Variants in ARRDC4 observed in about 807,000 individuals in gnomAD.
ARRDC4 encodes arrestin domain containing 4.
Under a neutral mutation model 44.6 loss-of-function variants are expected in ARRDC4, and 40 were observed. The ratio of observed to expected loss-of-function variants is 0.90; its 90% CI spans 0.70 to 1.17. The LOEUF (loss-of-function observed/expected upper bound fraction) is 1.17, where lower values mean the gene tolerates loss of function less well. Ranked by LOEUF, ARRDC4 falls within the 50% of genes most tolerant of loss-of-function variation. ARRDC4 has a pLI of 0.00. For synonymous variants in ARRDC4, 211 were observed against 221.2 expected, an observed-to-expected ratio of 0.95 and a Z score of 0.41; for missense variants, 550 against 559.1, an observed-to-expected ratio of 0.98 and a Z score of 0.16.
rs1899452110 is a variant in ARRDC4, at chr15:97,968,259, A to C, written c.625+143A>C. 1 of 423,594 alleles carries C rather than the reference A, an allele frequency of 2.4e-6. No individual in the cohort carries two copies. The highest frequency in any genetic ancestry group is 2.0e-5 in the African/African-American group (1 of 48,874). 26.2% of individuals were successfully genotyped at this position (423,594 alleles called of 1,614,324 possible). On this transcript the variant is annotated intron_variant, in intron 4 of 7. Coordinates refer to ENST00000268042, the MANE Select transcript of ARRDC4 (RefSeq NM_183376.3). This position sits in a 1 kb window ranked among gnomAD's most constrained non-coding sequence, Gnocchi z 5.4. ...GAATAGTGATACATTTTTTATATAA[A>C]TAATTGATATTTAAGTATTTTTAAA...
rs567289499 is a variant in ARRDC4, at chr15:97,967,425, T to C, written c.523-589T>C. On this transcript the variant is annotated intron_variant, in intron 3 of 7. Transcript: ENST00000268042. The surrounding 1 kb of genome is among the most constrained non-coding windows in gnomAD (Gnocchi z 5.0). ...AATAGAATACTGCAGTGAGAGGGTA[T>C]GTTTAATAAGCTTTTCAGATCGGTT... 3.9e-5 allele frequency among the ~76,000 whole-genome samples: 6 copies of C among 152,228 alleles called. No individual in the cohort carries two copies. The highest frequency in any genetic ancestry group is 6.5e-5 in the Admixed American group (1 of 15,286).
chr15:97,961,031 T>C lies in ARRDC4; in HGVS notation c.170T>C (p.Leu57Pro). 1 of 1,435,938 alleles carries C rather than the reference T, an allele frequency of 7.0e-7. No individual in the cohort carries two copies. The highest frequency in any genetic ancestry group is 1.4e-5 in the South Asian group (1 of 71,804). 88.9% of individuals were successfully genotyped at this position (1,435,938 alleles called of 1,614,324 possible). Residue 57 changes from leucine to proline, a missense_variant, in exon 1 of 8, where the codon CTG (leucine) becomes CCG (proline). Leu to Pro is a moderately conservative substitution (Grantham distance 98). Transcript: ENST00000268042. Reference sequence around the variant, plus strand: ...CCGGTGGCCCTGCGCGCGCTGCGCCTGGAGGCCCAGGGGCGCGCCACCGCC... The same window carrying C: ...CCGGTGGCCCTGCGCGCGCTGCGCCCGGAGGCCCAGGGGCGCGCCACCGCC... ...SEPVALRALR[L>P]EAQGRATAAW... is the part of the protein sequence containing the mutation.
intron 5 of ARRDC4, 142 bp downstream of exon 5, chr15:97,969,521 C>A: frequency 2.0e-6 from 2 of 985,026 alleles, no homozygotes; most frequent in Non-Finnish European, 2.9e-6. Flanking sequence ...GAAGATTGGC[C>A]CTTGTTTTTA....
chr15:97,961,031 TG>T lies in ARRDC4; in HGVS notation c.172del (p.Glu58ArgfsTer34). On this transcript the variant is annotated frameshift_variant, in exon 1 of 8. Coordinates refer to ENST00000268042, the MANE Select transcript of ARRDC4 (RefSeq NM_183376.3). LOFTEE classifies it high-confidence loss of function. Reference protein sequence around the residue: ...SEPVALRALRLEAQGRATAAW... With the variant: ...SEPVALRALRXEAQGRATAAW... ...CCGGTGGCCCTGCGCGCGCTGCGCC[TG>T]GAGGCCCAGGGGCGCGCCACCGCCG... 3 of 1,435,934 alleles carry T rather than the reference TG, an allele frequency of 2.1e-6. No individual in the cohort carries two copies. Among genetic ancestry groups the T allele is most frequent in the South Asian group, 1.4e-5 (1 of 71,802 alleles). 88.9% of individuals were successfully genotyped at this position (1,435,934 alleles called of 1,614,324 possible).
rs754281519 is a variant in ARRDC4, at chr15:97,973,045, A to G, written c.*1858A>G. ...ATTTTGCTTTCGTGTGTGTGTCTTT[A>G]AACAGGTAATGTGTATTTAAGTGTT... On this transcript the variant is annotated 3_prime_UTR_variant, in exon 8 of 8. Transcript: ENST00000268042. 5 of 152,230 alleles carry G rather than the reference A, an allele frequency of 3.3e-5. No individual in the cohort carries two copies. Among genetic ancestry groups the G allele is most frequent in the Non-Finnish European group, 5.9e-5 (4 of 68,016 alleles). 9.4% of individuals were successfully genotyped at this position (152,230 alleles called of 1,614,324 possible). A position where few individuals can be genotyped will look rare whatever the true frequency, so the allele number is the denominator to read the frequency against.
chr15:97,963,490 A>G (rs1490078349), intron 1 of ARRDC4, among the ~76,000 whole-genome samples: 1 of 152,200 alleles, frequency 6.6e-6, no homozygotes, highest in African/African-American at 2.4e-5. Context: ...GGGGAACTTC[A>G]TGTCTCTCAT....
chr15:97,971,217 T>C lies in ARRDC4; in HGVS notation c.*30T>C. 3 of 1,601,302 alleles carry C rather than the reference T, an allele frequency of 1.9e-6. No homozygotes were observed. Among genetic ancestry groups the C allele is most frequent in the Non-Finnish European group, 2.6e-6 (3 of 1,168,878 alleles). ...ATTTCAGAAATCACTGTGTTCATCA[T>C]CAAATTAGAATGTTGGTTCTTTTCC... On this transcript the variant is annotated 3_prime_UTR_variant, in exon 8 of 8. Coordinates refer to ENST00000268042, the MANE Select transcript of ARRDC4 (RefSeq NM_183376.3).
Position 97,960,921 on chromosome 15 carries a change from G to A in ARRDC4, c.60G>A (p.Leu20=). The change falls in exon 1 of 8, where the codon CTG becomes CTA. Residue 20 remains leucine (L), a synonymous_variant. Coordinates refer to ENST00000268042, the MANE Select transcript of ARRDC4 (RefSeq NM_183376.3). ...AVGAEGRVKS[L]GLVFEDERKG... ...GTGCCGAGGGCCGCGTGAAGAGCCT[G>A]GGTCTGGTGTTCGAGGACGAGCGCA... The A allele has an allele frequency of 6.9e-7, 1 of 1,459,008 alleles. No homozygotes were observed. The highest frequency in any genetic ancestry group is 9.1e-7 in the Non-Finnish European group (1 of 1,101,638). The allele number at this position is 1,459,008 out of a possible 1,614,324, so 90.4% of individuals were successfully genotyped here.
Position 97,970,421 on chromosome 15 carries a change from AAGG to A in ARRDC4, c.1046-165_1046-163del, listed in dbSNP as rs1419730549. Among the ~76,000 whole-genome samples, 2 of 152,182 alleles carry A rather than the reference AAGG, an allele frequency of 1.3e-5. No individual in the cohort carries two copies. The highest frequency in any genetic ancestry group is 2.9e-5 in the Non-Finnish European group (2 of 68,026). ...GAAGCTATTAGTAGTAGTTTAATAA[AAGG>A]AGAATCTATTTTTTATTGTAATATG... is the stretch of plus-strand genomic sequence containing the variant. On this transcript the variant is annotated intron_variant, in intron 6 of 7. Coordinates refer to ENST00000268042, the MANE Select transcript of ARRDC4 (RefSeq NM_183376.3). The surrounding 1 kb of genome is among the most constrained non-coding windows in gnomAD (Gnocchi z 4.2).
chr15:97,965,964 AC>A lies in ARRDC4; in HGVS notation c.447del (p.Lys150ArgfsTer7). 1 of 1,614,110 alleles carries A rather than the reference AC, an allele frequency of 6.2e-7. No individual in the cohort carries two copies. The highest frequency in any genetic ancestry group is 8.5e-7 in the Non-Finnish European group (1 of 1,180,020). On this transcript the variant is annotated frameshift_variant, in exon 3 of 8. Coordinates refer to ENST00000268042, the MANE Select transcript of ARRDC4 (RefSeq NM_183376.3). LOFTEE classifies it high-confidence loss of function. This position sits in a 1 kb window ranked among gnomAD's most constrained non-coding sequence, Gnocchi z 5.1. ...QYCVRAVLER[P>X]KVPDQSVKRE... ...ACTGTGTGCGGGCAGTGTTGGAACG[AC>A]CCAAGGTACCTGATCAGAGTGTAAA...
rs1013690846 is a variant in ARRDC4 at position 97,972,088 on chromosome 15, G to C, written c.*901G>C. The C allele has an allele frequency of 6.6e-6, 1 of 152,196 alleles. No individual in the cohort carries two copies. Among genetic ancestry groups the C allele is most frequent in the Non-Finnish European group, 1.5e-5 (1 of 68,024 alleles). 9.4% of individuals were successfully genotyped at this position (152,196 alleles called of 1,614,324 possible). A position where few individuals can be genotyped will look rare whatever the true frequency, so the allele number is the denominator to read the frequency against. ...CTTTTTCTAACCTACCTCTAATGGG[G>C]TTATCAGATATGTTTTTAAATCTCT... On this transcript the variant is annotated 3_prime_UTR_variant, in exon 8 of 8. Transcript: ENST00000268042. This position sits in a 1 kb window ranked among gnomAD's most constrained non-coding sequence, Gnocchi z 5.3.
At position 97,971,973 on chromosome 15, in the gene ARRDC4, A is replaced by G. The variant is rs1190325236; in HGVS notation, c.*786A>G. ...ATACGTTTGATTTTCCTCATATCTT[A>G]TTTACCTAGGAGCATGTAAGAGAAA... On this transcript the variant is annotated 3_prime_UTR_variant, in exon 8 of 8. Transcript: ENST00000268042. 6.6e-6 allele frequency: 1 copy of G among 152,506 alleles called. No homozygotes were observed. Among genetic ancestry groups the G allele is most frequent in the East Asian group, 1.9e-4 (1 of 5,184 alleles). 9.4% of individuals were successfully genotyped at this position (152,506 alleles called of 1,614,324 possible). A position where few individuals can be genotyped will look rare whatever the true frequency, so the allele number is the denominator to read the frequency against.
At position 97,972,352 on chromosome 15, in the gene ARRDC4, A is replaced by ACT. The variant is rs1899530838; in HGVS notation, c.*1166_*1167dup. On this transcript the variant is annotated 3_prime_UTR_variant, in exon 8 of 8. Transcript: ENST00000268042. This position sits in a 1 kb window ranked among gnomAD's most constrained non-coding sequence, Gnocchi z 5.3. Reference sequence around the variant, plus strand: ...AGACCTAGGTCTACTGATGGCAGTCACTGCATTGTACATTATTCCAGTTCT... The same window carrying ACT: ...AGACCTAGGTCTACTGATGGCAGTCACTCTGCATTGTACATTATTCCAGTTCT... The ACT allele has an allele frequency of 6.6e-6, 1 of 152,656 alleles. No homozygotes were observed. The highest frequency in any genetic ancestry group is 1.5e-5 in the Non-Finnish European group (1 of 68,030). 9.5% of individuals were successfully genotyped at this position (152,656 alleles called of 1,614,324 possible).
chr15:97,971,966 A>T lies in ARRDC4; in HGVS notation c.*779A>T, dbSNP rs1428880302. ...ACAGGATATACGTTTGATTTTCCTC[A>T]TATCTTATTTACCTAGGAGCATGTA... On this transcript the variant is annotated 3_prime_UTR_variant, in exon 8 of 8. Coordinates refer to ENST00000268042, the MANE Select transcript of ARRDC4 (RefSeq NM_183376.3). 6.6e-6 allele frequency: 1 copy of T among 152,576 alleles called. No individual in the cohort carries two copies. The highest frequency in any genetic ancestry group is 2.4e-5 in the African/African-American group (1 of 41,450). 9.5% of individuals were successfully genotyped at this position (152,576 alleles called of 1,614,324 possible).
Position 97,970,558 on chromosome 15 carries a change from TTTC to T in ARRDC4, c.1046-28_1046-26del. The T allele has an allele frequency of 6.3e-7, 1 of 1,579,260 alleles. No individual in the cohort carries two copies. The highest frequency in any genetic ancestry group is 8.6e-7 in the Non-Finnish European group (1 of 1,157,860). ...GAATCGAGATTAATTTTTGAGTGGA[TTTC>T]TTAACTCCAACTTCATTTCTATTTC... On this transcript the variant is annotated intron_variant, in intron 6 of 7. Transcript: ENST00000268042. The surrounding 1 kb of genome is among the most constrained non-coding windows in gnomAD (Gnocchi z 4.2).
In ARRDC4 at chr15:97,971,650, G is replaced by C. The variant is rs763302075; in HGVS notation, c.*463G>C. On this transcript the variant is annotated 3_prime_UTR_variant, in exon 8 of 8. Coordinates refer to ENST00000268042, the MANE Select transcript of ARRDC4 (RefSeq NM_183376.3). Reference sequence around the variant, plus strand: ...GAGAATGGCCCACTCCAAATACGAAGTGAGATCCTGAGTCTTTGGGTGCTT... The same window carrying C: ...GAGAATGGCCCACTCCAAATACGAACTGAGATCCTGAGTCTTTGGGTGCTT... The C allele has an allele frequency of 6.0e-6, 1 of 165,622 alleles. No homozygotes were observed. The highest frequency in any genetic ancestry group is 1.3e-5 in the Non-Finnish European group (1 of 75,280). 10.3% of individuals were successfully genotyped at this position (165,622 alleles called of 1,614,324 possible).
Position 97,968,016 on chromosome 15 carries a change from C to G in ARRDC4, c.525C>G (p.Thr175=). 6.3e-7 allele frequency: 1 copy of G among 1,586,178 alleles called. No homozygotes were observed. ...HVDVNTPALL[T]PVLKTQEKMV... Reference sequence around the variant, plus strand: ...TTTTATTGTTTGAAATTTTCAAGACCCCTGTATTGAAAACTCAAGAGAAAA... The same window carrying G: ...TTTTATTGTTTGAAATTTTCAAGACGCCTGTATTGAAAACTCAAGAGAAAA... Residue 175 remains threonine, a splice_region_variant and synonymous_variant, in exon 4 of 8, where the codon ACC becomes ACG. Transcript: ENST00000268042. This position sits in a 1 kb window ranked among gnomAD's most constrained non-coding sequence, Gnocchi z 5.4.
At position 97,967,371 on chromosome 15, in the gene ARRDC4, T is replaced by G. The variant is rs79101768; in HGVS notation, c.523-643T>G. Among the ~76,000 whole-genome samples, 3,998 of 152,212 alleles carry G rather than the reference T, an allele frequency of 0.026. 164 individuals are homozygous for G. The highest frequency in any genetic ancestry group is 0.19 in the East Asian group (959 of 5,152). On this transcript the variant is annotated intron_variant, in intron 3 of 7. Coordinates refer to ENST00000268042, the MANE Select transcript of ARRDC4 (RefSeq NM_183376.3). The surrounding 1 kb of genome is among the most constrained non-coding windows in gnomAD (Gnocchi z 5.0). ...TAACTCGTAAACTGAACATTGTAAA[T>G]CTTGTAGTAACTTCTCTTGCCACTA...
In ARRDC4 at chr15:97,971,287, A is replaced by G; in HGVS notation, c.*100A>G. The G allele has an allele frequency of 1.6e-6, 2 of 1,222,220 alleles. No homozygotes were observed. The highest frequency in any genetic ancestry group is 2.4e-6 in the Non-Finnish European group (2 of 838,068). 75.7% of individuals were successfully genotyped at this position (1,222,220 alleles called of 1,614,324 possible). ...AGACAGGAAAGATTCACTTGAAAAC[A>G]TAAATGAACGTCAAGACTGAAGGCA... On this transcript the variant is annotated 3_prime_UTR_variant, in exon 8 of 8. Coordinates refer to ENST00000268042, the MANE Select transcript of ARRDC4 (RefSeq NM_183376.3).
Sources: gnomAD v4.1 joint callset for allele counts (sites outside exome capture counted in the v4.1 genomes callset) on GRCh38, gnomAD v4.1.1 for gene constraint, Gnocchi (gnomAD v3.1) non-coding constraint, MANE v1.5 for transcripts, NCBI Gene and HGNC (gene_info 2026-07-23, HGNC 2026-07-21) for gene names.